CARMIL1: variants seen among roughly 807,000 people sequenced by gnomAD.
CARMIL1 encodes capping protein regulator and myosin 1 linker 1.
Under a neutral mutation model 177.1 loss-of-function variants are expected in CARMIL1, and 90 were observed. The observed-to-expected ratio is 0.51, with a 90% CI of 0.43 to 0.61. The LOEUF is 0.61. CARMIL1 is among the 20% of genes least tolerant of loss of function. The pLI, the probability that CARMIL1 is intolerant of heterozygous loss-of-function variation, is 0.00. For synonymous variants in CARMIL1, 577 were observed against 606.2 expected, an observed-to-expected ratio of 0.95 and a Z score of 0.71; for missense variants, 1,380 against 1,667.0, an observed-to-expected ratio of 0.83 and a Z score of 3.00.
chr6:25,514,411 G>T (rs547239280), intron 20 of CARMIL1, among the ~76,000 whole-genome samples: 1 of 152,010 alleles, frequency 6.6e-6, no homozygotes, highest in Non-Finnish European at 1.5e-5. Flanking sequence ...GCCAGGCATG[G>T]TGGTGGGCGC....
intron 2 of CARMIL1, among the ~76,000 whole-genome samples, chr6:25,333,769 T>C (rs1785932268): frequency 6.6e-6 from 1 of 152,074 alleles, no homozygotes; most frequent in African/African-American, 2.4e-5. Context: ...GATGGGTGAG[T>C]TGTTCTTTAT....
chr6:25,488,385 C>A, intron 12 of CARMIL1, 97 bp from the exon 13 acceptor site: 1 of 882,238 alleles, frequency 1.1e-6, no homozygotes, highest in Non-Finnish European at 1.9e-6. Flanking sequence ...AACCTCAGTC[C>A]TGCAATTTGA....
At chr6:25,449,796 ACCCT>A in intron 5 of CARMIL1, 98 bp from the exon 6 acceptor site, 1 of 625,068 alleles carries the variant, frequency 1.6e-6, no homozygotes, top group Non-Finnish European at 2.7e-6. Flanking sequence ...AATTGAAGTG[ACCCT>A]CATCTTTGTT....
chr6:25,488,505 C>T lies in CARMIL1; in HGVS notation c.985C>T (p.Leu329Phe). ...AGGGGTGAACAGCCTTTCTCAGTCA[C>T]TCAGTGCCAATCCATTGACCGCCTC... ...PKGVNSLSQSLSANPLTASTL... is the reference protein window; with the variant it reads ...PKGVNSLSQSFSANPLTASTL... Residue 329 changes from leucine (L) to phenylalanine (F), a missense_variant, in exon 13 of 37, where the codon CTC becomes TTC. Coordinates refer to ENST00000329474, the MANE Select transcript of CARMIL1 (RefSeq NM_017640.6). 1 of 1,614,032 alleles carries T rather than the reference C, an allele frequency of 6.2e-7. No homozygotes were observed. The highest frequency in any genetic ancestry group is 8.5e-7 in the Non-Finnish European group (1 of 1,179,866).
At chr6:25,459,121 A>G (rs138643948) in intron 8 of CARMIL1, among the ~76,000 whole-genome samples, 191 of 152,046 alleles carry the variant, frequency 1.3e-3, no homozygotes, top group Admixed American at 2.2e-3. Flanking sequence ...CTGGAAAGAT[A>G]TAAGAGAAAA....
chr6:25,298,976 T>C (rs1392900754), intron 2 of CARMIL1, among the ~76,000 whole-genome samples: 2 of 152,050 alleles, frequency 1.3e-5, no homozygotes, highest in African/African-American at 2.4e-5. Flanking sequence ...GGTCTCGAAC[T>C]CCTGACCTCA....
At position 25,288,645 on chromosome 6, in the gene CARMIL1, C is replaced by T. The variant is rs529269976; in HGVS notation, c.138+3736C>T. 2.2e-3 allele frequency among the ~76,000 whole-genome samples: 342 copies of T among 152,244 alleles called. 3 individuals carry two copies. Among genetic ancestry groups the T allele is most frequent in the Admixed American group, 6.3e-3 (97 of 15,294 alleles). On this transcript the variant is annotated intron_variant, in intron 2 of 36. Coordinates refer to ENST00000329474, the MANE Select transcript of CARMIL1 (RefSeq NM_017640.6). ...GATAAGGCAAGAGGAACAAAGGGGT[C>T]CTGCATTCTGTTTTCTCCGTGGTGC...
chr6:25,343,726 A>AC (rs1387622931), intron 2 of CARMIL1, among the ~76,000 whole-genome samples: 1 of 150,418 alleles, frequency 6.6e-6, no homozygotes, highest in Non-Finnish European at 1.5e-5. Flanking sequence ...TCATCAGCAA[A>AC]CCCCCCACTT....
At position 25,573,152 on chromosome 6, in the gene CARMIL1, G is replaced by C. The variant is rs369176969; in HGVS notation, c.2743-7772G>C. Among the ~76,000 whole-genome samples the C allele has an allele frequency of 2.1e-4, 32 of 152,282 alleles. 1 individual carries two copies. The South Asian group carries it at 4.1e-3, about 20-fold the overall frequency. The stretch of plus-strand genomic sequence containing the variant: ...TCCCCAGGGATGACCAAGGGGAGGA[G>C]GATGGGGAGGGGCACCTAAAGGAAA... On this transcript the variant is annotated intron_variant, in intron 29 of 36. Coordinates refer to ENST00000329474, the MANE Select transcript of CARMIL1 (RefSeq NM_017640.6).
intron 2 of CARMIL1, among the ~76,000 whole-genome samples, chr6:25,295,174 A>G (rs1209381972): frequency 6.6e-6 from 1 of 152,216 alleles, no homozygotes; most frequent in African/African-American, 2.4e-5. Context: ...ATCATTGGAA[A>G]AAAAATCAGT....
intron 29 of CARMIL1, among the ~76,000 whole-genome samples, chr6:25,560,503 A>AG (rs1811014392): frequency 6.6e-6 from 1 of 152,138 alleles, no homozygotes; most frequent in Non-Finnish European, 1.5e-5. Flanking sequence ...TGTGACGTTC[A>AG]GGCACTATTC....
At chr6:25,617,678 A>G (rs1347669826) in intron 36 of CARMIL1, among the ~76,000 whole-genome samples, 1 of 152,184 alleles carries the variant, frequency 6.6e-6, no homozygotes, top group Non-Finnish European at 1.5e-5. Context: ...AGTCTTCCCT[A>G]CTTTCTTTTG....
chr6:25,464,573 T>C (rs1443571903), intron 8 of CARMIL1, among the ~76,000 whole-genome samples: 2 of 152,126 alleles, frequency 1.3e-5, no homozygotes, highest in East Asian at 3.9e-4. Flanking sequence ...AAAATCTGAG[T>C]ATCTGCTACT....
chr6:25,294,317 C>T (rs1251228269), intron 2 of CARMIL1, among the ~76,000 whole-genome samples: 1 of 152,176 alleles, frequency 6.6e-6, no homozygotes, highest in African/African-American at 2.4e-5. Flanking sequence ...ATCCACCAGA[C>T]AGGATCTGGT....
At chr6:25,464,133 T>G (rs1462134111) in intron 8 of CARMIL1, among the ~76,000 whole-genome samples, 1 of 152,296 alleles carries the variant, frequency 6.6e-6, no homozygotes, top group Non-Finnish European at 1.5e-5. Context: ...GTTGTTCTCC[T>G]TTTTAATCTA....
chr6:25,434,111 G>T (rs547845987), intron 4 of CARMIL1, among the ~76,000 whole-genome samples: 1 of 152,240 alleles, frequency 6.6e-6, no homozygotes, highest in African/African-American at 2.4e-5. Flanking sequence ...TATGTTGCCT[G>T]GGCTGGTCTT....
intron 2 of CARMIL1, 101 bp from the exon 3 acceptor site, chr6:25,420,013 C>G: frequency 1.2e-6 from 1 of 846,048 alleles, no homozygotes; most frequent in Non-Finnish European, 2.0e-6. Flanking sequence ...AGCCATGTGG[C>G]CTTCTGAGGT....
intron 2 of CARMIL1, among the ~76,000 whole-genome samples, chr6:25,403,475 C>T (rs570426983): frequency 6.6e-6 from 1 of 152,286 alleles, no homozygotes; most frequent in South Asian, 2.1e-4. Flanking sequence ...GGACAACAGC[C>T]AATAAAGCCT....
chr6:25,407,093 T>C (rs1794445917), intron 2 of CARMIL1, among the ~76,000 whole-genome samples: 1 of 151,992 alleles, frequency 6.6e-6, no homozygotes, highest in African/African-American at 2.4e-5. Flanking sequence ...GCAATCAAGA[T>C]TGGCACCTCA....
Sources: gnomAD v4.1 joint callset for allele counts (sites outside exome capture counted in the v4.1 genomes callset) on GRCh38, gnomAD v4.1.1 for gene constraint, MANE v1.5 for transcripts, NCBI Gene and HGNC (gene_info 2026-07-23, HGNC 2026-07-21) for gene names.